Variants in MGAT4C observed in about 807,000 individuals in gnomAD.
MGAT4C encodes the protein MGAT4 family member C.
MGAT4C carries 19 observed loss-of-function variants against 40.1 expected under a neutral mutation model. That is an observed-to-expected ratio of 0.47 (90% CI 0.33 to 0.70). MGAT4C has a LOEUF of 0.70. Among genes scored for constraint, MGAT4C ranks in the 30% least tolerant of loss-of-function variants. MGAT4C has a pLI of 0.02. For missense variants in MGAT4C, 491 were observed against 563.2 expected, an observed-to-expected ratio of 0.87 and a Z score of 1.30; for synonymous variants, 181 against 187.1, an observed-to-expected ratio of 0.97 and a Z score of 0.27.
intron 2 of MGAT4C, among the ~76,000 whole-genome samples, chr12:86,620,553 G>C (rs1194592576): frequency 6.6e-6 from 1 of 152,102 alleles, no homozygotes; most frequent in Non-Finnish European, 1.5e-5. Context: ...GGAGACATTG[G>C]AGATTCTATA....
intron 3 of MGAT4C, among the ~76,000 whole-genome samples, chr12:86,383,350 G>C (rs1035354803): frequency 6.6e-6 from 1 of 151,832 alleles, no homozygotes; most frequent in Non-Finnish European, 1.5e-5. Flanking sequence ...TCAAGAGATC[G>C]AGACCATCCT....
intron 1 of MGAT4C, among the ~76,000 whole-genome samples, chr12:86,172,741 T>G (rs1046162434): frequency 1.3e-5 from 2 of 152,200 alleles, no homozygotes; most frequent in South Asian, 2.1e-4. Flanking sequence ...AGATATTATG[T>G]TTTTTAATGA....
At chr12:86,294,486 A>G (rs1330602900) in intron 4 of MGAT4C, among the ~76,000 whole-genome samples, 1 of 151,970 alleles carries the variant, frequency 6.6e-6, no homozygotes, top group Non-Finnish European at 1.5e-5. Context: ...TCTCCTCTGC[A>G]TGCAAATACA....
At chr12:86,605,272 G>GAT (rs1010637129) in intron 2 of MGAT4C, among the ~76,000 whole-genome samples, 6 of 151,510 alleles carry the variant, frequency 4.0e-5, no homozygotes, top group Admixed American at 1.3e-4. Flanking sequence ...ATTCTTGCCA[G>GAT]ATATATATAT....
chr12:86,147,278 G>A lies in MGAT4C; in HGVS notation c.-56-97555C>T, dbSNP rs75426960. Among the ~76,000 whole-genome samples the A allele has an allele frequency of 0.022, 3,397 of 151,730 alleles. 265 individuals are homozygous for A. The East Asian group carries it at 0.28, about 13-fold the overall frequency. On this transcript the variant is annotated intron_variant, in intron 1 of 4. Coordinates refer to ENST00000611864, the MANE Select transcript of MGAT4C (RefSeq NM_001351288.2). The stretch of plus-strand genomic sequence containing the variant: ...TTTTTTTGAGACGTAGTCTCGCTCT[G>A]TCGCCCAGGCTGGAGTGCAGTGCCG...
At position 86,493,658 on chromosome 12, in the gene MGAT4C, G is replaced by A. The variant is rs187754074; in HGVS notation, c.-228-58393C>T. 1.6e-3 allele frequency among the ~76,000 whole-genome samples: 232 copies of A among 149,502 alleles called. 13 individuals are homozygous for A. In the East Asian group the frequency reaches 0.038, roughly 24 times the overall value. ...TCTGGGGACTGTCGTGGGGTGGGGGGACGGGGGAGGGATAGCATTAGGAGA... is the reference window on the plus strand; with the variant it reads ...TCTGGGGACTGTCGTGGGGTGGGGGAACGGGGGAGGGATAGCATTAGGAGA... On this transcript the variant is annotated intron_variant, in intron 2 of 7. Transcript: ENST00000548651.
intron 1 of MGAT4C, among the ~76,000 whole-genome samples, chr12:86,243,522 T>C (rs369227414): frequency 3.9e-5 from 6 of 152,206 alleles, no homozygotes; most frequent in African/African-American, 1.4e-4. Context: ...TAAGATTCCA[T>C]TTTAGCAGAC....
At chr12:86,323,918 A>G (rs1253535431) in intron 4 of MGAT4C, among the ~76,000 whole-genome samples, 1 of 151,936 alleles carries the variant, frequency 6.6e-6, no homozygotes, top group Non-Finnish European at 1.5e-5. Context: ...AAGTTTATAA[A>G]ATGGTGAAAT....
At chr12:85,987,118 T>A (rs914331898) in intron 3 of MGAT4C, among the ~76,000 whole-genome samples, 1 of 980 alleles carries the variant, frequency 1.0e-3, no homozygotes, top group Non-Finnish European at 2.6e-3. Flanking sequence ...AAATAATAAT[T>A]TTTTTTTTTT....
At chr12:86,464,581 T>C (rs1957652733) in intron 2 of MGAT4C, among the ~76,000 whole-genome samples, 10 of 152,166 alleles carry the variant, frequency 6.6e-5, no homozygotes, top group Admixed American at 6.5e-4. Context: ...TCTTAGAGCA[T>C]ATATTTATGA....
intron 2 of MGAT4C, among the ~76,000 whole-genome samples, chr12:86,496,302 T>C (rs1422163599): frequency 1.3e-5 from 2 of 151,390 alleles, no homozygotes; most frequent in African/African-American, 4.9e-5. Flanking sequence ...AGCCTATTTG[T>C]TATGCTATTT....
chr12:86,277,780 C>A (rs1029074869), intron 4 of MGAT4C, among the ~76,000 whole-genome samples: 19 of 152,022 alleles, frequency 1.2e-4, no homozygotes, highest in Non-Finnish European at 7.4e-5. Flanking sequence ...TAGGACCATG[C>A]TGTTTTGGTT....
chr12:86,201,157 T>G (rs1376400252), intron 1 of MGAT4C, among the ~76,000 whole-genome samples: 3 of 152,204 alleles, frequency 2.0e-5, no homozygotes, highest in Non-Finnish European at 2.9e-5. Flanking sequence ...CTTTCAAGGG[T>G]GTGAAGTTAT....
rs533482569 is a variant in MGAT4C, at chr12:86,813,319, T to G, written c.-262+25347A>C. ...CTTGTTCAAGAATCTTTCCCTACACTGACGTCACATGATATTACATATTTT... is the reference window on the plus strand; with the variant it reads ...CTTGTTCAAGAATCTTTCCCTACACGGACGTCACATGATATTACATATTTT... On this transcript the variant is annotated intron_variant, in intron 1 of 7. Coordinates refer to the MGAT4C transcript ENST00000548651. 2.0e-5 allele frequency among the ~76,000 whole-genome samples: 3 copies of G among 152,216 alleles called. No homozygotes were observed. In the East Asian group the frequency reaches 5.8e-4, roughly 29 times the overall value.
intron 1 of MGAT4C, among the ~76,000 whole-genome samples, chr12:86,089,490 C>T (rs988612092): frequency 6.6e-6 from 1 of 151,668 alleles, no homozygotes; most frequent in Non-Finnish European, 1.5e-5. Flanking sequence ...CTCCTCTATC[C>T]CACTGGTTGA....
intron 3 of MGAT4C, among the ~76,000 whole-genome samples, chr12:86,363,080 A>G (rs1955517637): frequency 6.6e-6 from 1 of 152,086 alleles, no homozygotes; most frequent in Admixed American, 6.6e-5. Flanking sequence ...AAAGAGAAAT[A>G]ACCAAATTCA....
chr12:86,516,789 A>C (rs1426146037), intron 2 of MGAT4C, among the ~76,000 whole-genome samples: 1 of 152,148 alleles, frequency 6.6e-6, no homozygotes, highest in African/African-American at 2.4e-5. Flanking sequence ...GTTCAACCTT[A>C]TTTCTCATAT....
intron 1 of MGAT4C, among the ~76,000 whole-genome samples, chr12:86,155,090 T>C (rs1327142245): frequency 6.6e-6 from 1 of 152,180 alleles, no homozygotes; most frequent in Admixed American, 6.5e-5. Flanking sequence ...TAGAAGATGA[T>C]CCTGGATGTG....
intron 1 of MGAT4C, among the ~76,000 whole-genome samples, chr12:86,116,506 A>G (rs1878446352): frequency 2.6e-5 from 4 of 152,196 alleles, no homozygotes; most frequent in African/African-American, 7.2e-5. Flanking sequence ...AAGAGTAATT[A>G]TTCACTTTGC....
Sources: allele counts gnomAD v4.1 joint callset (sites outside exome capture counted in the v4.1 genomes callset), GRCh38; gene constraint gnomAD v4.1.1; transcripts MANE v1.5; gene names NCBI Gene and HGNC (gene_info 2026-07-23, HGNC 2026-07-21).